The following SYT1 variants were observed in gnomAD, a reference collection of about 807,000 sequenced individuals.
SYT1 encodes synaptotagmin-1.
Under a neutral mutation model 44.8 loss-of-function variants are expected in SYT1, and 8 were observed. That is an observed-to-expected ratio of 0.18 (90% CI 0.10 to 0.32). The LOEUF is 0.32. Ranked by LOEUF, SYT1 falls within the 10% of genes least tolerant of loss-of-function variation. The pLI, the probability that SYT1 is intolerant of heterozygous loss-of-function variation, is 1.00. For synonymous variants in SYT1, 154 were observed against 188.8 expected (o/e 0.82, Z 1.51); for missense variants, 286 against 509.3 (o/e 0.56, Z 4.22).
chr12:79,419,278 A>AT (rs751933708), intron 9 of SYT1: 6 of 526,044 alleles, frequency 1.1e-5, no homozygotes, highest in Non-Finnish European at 2.3e-5. Context: ...AATTGAATTC[A>AT]TTTAGAAAAG....
intron 10 of SYT1, among the ~76,000 whole-genome samples, chr12:79,447,780 C>T (rs1044153543): frequency 6.6e-6 from 1 of 152,060 alleles, no homozygotes; most frequent in Non-Finnish European, 1.5e-5. Context: ...TTCTAAATTC[C>T]ACTTGCAGAA....
chr12:78,869,559 A>G (rs1168665877), intron 1 of SYT1, among the ~76,000 whole-genome samples: 1 of 151,974 alleles, frequency 6.6e-6, no homozygotes, highest in Non-Finnish European at 1.5e-5. Flanking sequence ...ATATAATATT[A>G]GAGATTCTAT....
At chr12:79,302,199 A>C (rs1388797238) in intron 8 of SYT1, among the ~76,000 whole-genome samples, 1 of 152,182 alleles carries the variant, frequency 6.6e-6, no homozygotes, top group African/African-American at 2.4e-5. Flanking sequence ...TAGCAGTGTT[A>C]AGCATTATTT....
At chr12:79,271,263 T>A (rs1878409248) in intron 4 of SYT1, among the ~76,000 whole-genome samples, 1 of 152,182 alleles carries the variant, frequency 6.6e-6, no homozygotes, top group Non-Finnish European at 1.5e-5. Context: ...AAGTAAATAA[T>A]TTTTTAAAAA....
intron 3 of SYT1, among the ~76,000 whole-genome samples, chr12:79,089,101 G>T (rs186247001): frequency 4.6e-5 from 7 of 152,156 alleles, no homozygotes; most frequent in Non-Finnish European, 8.8e-5. Context: ...AGAAAAGAAT[G>T]TGAGAAAGAT....
chr12:79,314,168 CAAAAAAAA>C (rs34951756), intron 8 of SYT1, among the ~76,000 whole-genome samples: 6 of 67,300 alleles, frequency 8.9e-5, no homozygotes, highest in African/African-American at 2.5e-4. Context: ...GACTCCGTCT[CAAAAAAAA>C]AAAAAAAAAA....
At chr12:79,317,853 G>A (rs775999624) in intron 8 of SYT1, among the ~76,000 whole-genome samples, 6 of 152,118 alleles carry the variant, frequency 3.9e-5, no homozygotes, top group African/African-American at 7.2e-5. Flanking sequence ...ACCTTAAGGC[G>A]GGAGCTTAAG....
At chr12:79,435,319 A>C (rs773433171) in intron 9 of SYT1, among the ~76,000 whole-genome samples, 8 of 152,108 alleles carry the variant, frequency 5.3e-5, no homozygotes, top group Non-Finnish European at 1.0e-4. Flanking sequence ...TCCTTTTTAG[A>C]TTCTTTTTTT....
intron 9 of SYT1, among the ~76,000 whole-genome samples, chr12:79,381,849 C>A (rs1008106644): frequency 3.9e-5 from 6 of 152,056 alleles, no homozygotes; most frequent in African/African-American, 1.4e-4. Flanking sequence ...TTTTTTTGTG[C>A]TTCTACTGAC....
intron 2 of SYT1, among the ~76,000 whole-genome samples, chr12:78,979,945 G>A (rs570799300): frequency 3.3e-4 from 50 of 151,924 alleles, no homozygotes; most frequent in African/African-American, 1.1e-3. Context: ...AATTTCAACC[G>A]ATCTTTTTGT....
chr12:79,079,836 T>C (rs1356207302), intron 3 of SYT1, among the ~76,000 whole-genome samples: 6 of 152,106 alleles, frequency 3.9e-5, no homozygotes, highest in Admixed American at 3.9e-4. Context: ...GCTGTTAACA[T>C]TGAATAGATC....
chr12:78,892,102 A>C (rs901517549), intron 1 of SYT1, among the ~76,000 whole-genome samples: 1 of 151,768 alleles, frequency 6.6e-6, no homozygotes, highest in African/African-American at 2.4e-5. Context: ...CATATCATGT[A>C]TGGTCTGCCT....
intron 8 of SYT1, among the ~76,000 whole-genome samples, chr12:79,307,271 G>A (rs376334366): frequency 1.4e-4 from 21 of 152,266 alleles, no homozygotes; most frequent in Admixed American, 4.6e-4. Context: ...TAAAGAATGC[G>A]AGAGAGAGGA....
chr12:78,918,373 G>C (rs1188477727), intron 1 of SYT1, among the ~76,000 whole-genome samples: 1 of 152,028 alleles, frequency 6.6e-6, no homozygotes, highest in Non-Finnish European at 1.5e-5. Context: ...GCCAGCATCA[G>C]TTCATGCAGC....
intron 2 of SYT1, among the ~76,000 whole-genome samples, chr12:78,985,697 A>G (rs943185107): frequency 2.0e-5 from 3 of 151,944 alleles, no homozygotes; most frequent in Non-Finnish European, 2.9e-5. Context: ...AATTCTGAGT[A>G]TAAATGTAAG....
At chr12:79,057,345 A>G (rs1875032832) in intron 3 of SYT1, among the ~76,000 whole-genome samples, 1 of 152,028 alleles carries the variant, frequency 6.6e-6, no homozygotes, top group African/African-American at 2.4e-5. Context: ...AATGTTTCAG[A>G]CTAAGGAAAA....
chr12:79,372,520 T>G (rs769149079), intron 9 of SYT1, among the ~76,000 whole-genome samples: 1 of 152,184 alleles, frequency 6.6e-6, no homozygotes, highest in Non-Finnish European at 1.5e-5. Flanking sequence ...CAGCAGCCTT[T>G]AGGCCCAATA....
intron 1 of SYT1, among the ~76,000 whole-genome samples, chr12:78,913,771 C>G (rs1876482322): frequency 6.6e-6 from 1 of 151,834 alleles, no homozygotes; most frequent in Non-Finnish European, 1.5e-5. Context: ...TAATTACAGT[C>G]TAACCATTAA....
chr12:79,021,243 C>T (rs548413160), intron 2 of SYT1, among the ~76,000 whole-genome samples: 3 of 152,002 alleles, frequency 2.0e-5, no homozygotes, highest in South Asian at 4.1e-4. Flanking sequence ...TAGGAGACAA[C>T]TGAGTTATAA....
Sources: allele counts gnomAD v4.1 joint callset (sites outside exome capture counted in the v4.1 genomes callset), GRCh38; gene constraint gnomAD v4.1.1; transcripts MANE v1.5; gene names NCBI Gene and HGNC (gene_info 2026-07-23, HGNC 2026-07-21).